The following NR3C1 variants were observed in gnomAD, a reference collection of about 807,000 sequenced individuals.
The protein encoded by NR3C1 is glucocorticoid receptor.
In NR3C1, 14 loss-of-function variants were observed where a neutral mutation model predicts 74.0. The ratio of observed to expected loss-of-function variants is 0.19; its 90% CI spans 0.12 to 0.30. The LOEUF (loss-of-function observed/expected upper bound fraction) is 0.30. Ranked by LOEUF, NR3C1 falls within the 10% of genes least tolerant of loss-of-function variation. The pLI, the probability that NR3C1 is intolerant of heterozygous loss-of-function variation, is 1.00. For missense variants in NR3C1, 695 were observed against 909.8 expected (o/e 0.76, Z 3.04); for synonymous variants, 308 against 332.5 (o/e 0.93, Z 0.80).
intron 1 of NR3C1, among the ~76,000 whole-genome samples, chr5:143,429,226 G>A (rs1034830217): frequency 1.3e-5 from 2 of 152,170 alleles, no homozygotes; most frequent in African/African-American, 4.8e-5. Context: ...CTAAGGAGAA[G>A]AGAAGTTAAG....
At chr5:143,385,521 G>A (rs891512770) in intron 2 of NR3C1, among the ~76,000 whole-genome samples, 7 of 152,210 alleles carry the variant, frequency 4.6e-5, no homozygotes, top group African/African-American at 1.7e-4. Flanking sequence ...GTTAGGAGCA[G>A]CCAGGCCACA....
intron 2 of NR3C1, among the ~76,000 whole-genome samples, chr5:143,328,881 A>G (rs1427819200): frequency 1.3e-5 from 2 of 152,230 alleles, no homozygotes; most frequent in African/African-American, 2.4e-5. Flanking sequence ...ATTTTGGTCA[A>G]AAGTATTCAA....
chr5:143,393,697 C>T (rs1055619124), intron 2 of NR3C1, among the ~76,000 whole-genome samples: 2 of 152,038 alleles, frequency 1.3e-5, no homozygotes, highest in African/African-American at 4.8e-5. Flanking sequence ...CAGCATGTGA[C>T]AATCATAAGG....
At chr5:143,316,919 A>AACT (rs1418417346) in intron 2 of NR3C1, among the ~76,000 whole-genome samples, 1 of 152,186 alleles carries the variant, frequency 6.6e-6, no homozygotes, top group African/African-American at 2.4e-5. Flanking sequence ...CAGGCCACTC[A>AACT]ACTGTAAGCT....
chr5:143,321,645 C>T (rs577264074), intron 2 of NR3C1, among the ~76,000 whole-genome samples: 3 of 152,130 alleles, frequency 2.0e-5, no homozygotes, highest in Non-Finnish European at 4.4e-5. Flanking sequence ...TTTATTTTTC[C>T]AGTCATATGT....
At chr5:143,308,594 G>A (rs1486700753) in intron 4 of NR3C1, among the ~76,000 whole-genome samples, 2 of 152,142 alleles carry the variant, frequency 1.3e-5, no homozygotes, top group Non-Finnish European at 2.9e-5. Context: ...ATTAGTCTTT[G>A]TAAAATACAA....
intron 2 of NR3C1, among the ~76,000 whole-genome samples, chr5:143,314,421 C>CT (rs200172704): frequency 0.012 from 1,441 of 118,792 alleles, 9 homozygotes; most frequent in African/African-American, 0.02. Context: ...ACTTCTTCTT[C>CT]TTTTTTTTTT....
chr5:143,293,095 GT>G (rs1816321419), intron 7 of NR3C1, among the ~76,000 whole-genome samples: 1 of 152,054 alleles, frequency 6.6e-6, no homozygotes, highest in Non-Finnish European at 1.5e-5. Flanking sequence ...TCCATCCCTT[GT>G]TTTTAAACTT....
rs10036734 is a variant in NR3C1, at chr5:143,355,141, C to T, written c.1185-40973G>A. Among the ~76,000 whole-genome samples the T allele has an allele frequency of 4.4e-3, 674 of 152,050 alleles. 2 individuals carry two copies. The highest frequency in any genetic ancestry group is 0.015 in the African/African-American group (638 of 41,452). On this transcript the variant is annotated intron_variant, in intron 2 of 8. Coordinates refer to ENST00000394464, the MANE Select transcript of NR3C1 (RefSeq NM_000176.3). ...TAAGTGAAACAAAACAAAATAAACA[C>T]GCAATATTTGGGAAGTACAATAAAA...
At chr5:143,359,896 C>T (rs1276602384) in intron 2 of NR3C1, among the ~76,000 whole-genome samples, 1 of 151,980 alleles carries the variant, frequency 6.6e-6, no homozygotes, top group Non-Finnish European at 1.5e-5. Flanking sequence ...ATAGCCTGGG[C>T]CACAGAACGA....
chr5:143,402,681 C>G (rs1182358832), intron 1 of NR3C1: 2 of 985,534 alleles, frequency 2.0e-6, no homozygotes, highest in Non-Finnish European at 1.2e-6. Context: ...TGCGGGCTGT[C>G]AGCCCCCCGC....
intron 2 of NR3C1, among the ~76,000 whole-genome samples, chr5:143,364,179 A>G (rs1327455977): frequency 6.6e-6 from 1 of 152,202 alleles, no homozygotes; most frequent in Non-Finnish European, 1.5e-5. Context: ...GATCCTCAAT[A>G]AGATTAACAG....
intron 1 of NR3C1, among the ~76,000 whole-genome samples, chr5:143,425,710 T>TA (rs148571995): frequency 6.6e-6 from 1 of 152,144 alleles, no homozygotes; most frequent in Admixed American, 6.6e-5. Flanking sequence ...AATTGTTTTT[T>TA]AAAAAAAGGA....
chr5:143,369,638 G>A (rs1833913223), intron 2 of NR3C1, among the ~76,000 whole-genome samples: 1 of 152,214 alleles, frequency 6.6e-6, no homozygotes, highest in Non-Finnish European at 1.5e-5. Flanking sequence ...GAAATGTCCA[G>A]AATAGGCAAA....
intron 2 of NR3C1, among the ~76,000 whole-genome samples, chr5:143,354,919 T>A (rs1464674662): frequency 2.2e-5 from 3 of 136,410 alleles, no homozygotes; most frequent in African/African-American, 5.5e-5. Flanking sequence ...CAAAAGTCCG[T>A]CTCAAAAAAA....
At chr5:143,333,044 C>T in intron 2 of NR3C1, 1 of 1,594,218 alleles carries the variant, frequency 6.3e-7, no homozygotes, top group Non-Finnish European at 8.5e-7. Flanking sequence ...AGTTTGGCTT[C>T]ATTTGCTTGG....
At chr5:143,349,938 A>G (rs1157939716) in intron 2 of NR3C1, among the ~76,000 whole-genome samples, 3 of 152,138 alleles carry the variant, frequency 2.0e-5, no homozygotes, top group Admixed American at 2.0e-4. Flanking sequence ...CTGCATGACA[A>G]TGTGATATTC....
intron 1 of NR3C1, among the ~76,000 whole-genome samples, chr5:143,420,708 A>C (rs563335952): frequency 1.3e-5 from 2 of 152,236 alleles, no homozygotes; most frequent in Non-Finnish European, 2.9e-5. Context: ...ACAGCCCCCC[A>C]CAACAAAGAA....
At chr5:143,427,726 C>A (rs1673198984) in intron 1 of NR3C1, among the ~76,000 whole-genome samples, 1 of 152,216 alleles carries the variant, frequency 6.6e-6, no homozygotes, top group African/African-American at 2.4e-5. Flanking sequence ...AACATGTCTC[C>A]TATGAGACAC....
Sources: allele counts gnomAD v4.1 joint callset (sites outside exome capture counted in the v4.1 genomes callset), GRCh38; gene constraint gnomAD v4.1.1; transcripts MANE v1.5; gene names NCBI Gene and HGNC (gene_info 2026-07-23, HGNC 2026-07-21).